The following MOK variants were observed in gnomAD, a reference collection of about 807,000 sequenced individuals.
MOK encodes MAPK/MAK/MRK overlapping kinase.
In MOK, 59 loss-of-function variants were observed where a neutral mutation model predicts 54.2. The observed-to-expected ratio is 1.09, with a 90% confidence interval of 0.88 to 1.35. The LOEUF (loss-of-function observed/expected upper bound fraction) is 1.35, where lower values mean the gene tolerates loss of function less well. Among genes scored for constraint, MOK ranks in the 40% most tolerant of loss-of-function variants. The pLI is 0.00. For missense variants in MOK, 517 were observed against 526.2 expected, an observed-to-expected ratio of 0.98 and a Z score of 0.17; for synonymous variants, 210 against 202.7, an observed-to-expected ratio of 1.04 and a Z score of -0.31.
In MOK at chr14:102,251,748, G is replaced by T. The variant is rs748588036; in HGVS notation, c.411+8C>A. ...TCTGATACCCAGCTTTCATGTAAAA[G>T]CTCTTACCTTTATTAGTATATTTTC... On this transcript the variant is annotated splice_region_variant and intron_variant, in intron 6 of 11. Coordinates refer to ENST00000361847, the MANE Select transcript of MOK (RefSeq NM_014226.3). The T allele has an allele frequency of 1.3e-6, 2 of 1,563,800 alleles. No individual in the cohort carries two copies. Among genetic ancestry groups the T allele is most frequent in the Non-Finnish European group, 1.8e-6 (2 of 1,136,614 alleles).
intron 7 of MOK, among the ~76,000 whole-genome samples, chr14:102,244,910 T>C (rs2065978194): frequency 6.6e-6 from 1 of 152,092 alleles, no homozygotes; most frequent in Non-Finnish European, 1.5e-5. Flanking sequence ...AACAGACTAA[T>C]GGTCTTTTAA....
chr14:102,298,735 G>A (rs986933900), intron 1 of MOK, among the ~76,000 whole-genome samples: 2 of 152,158 alleles, frequency 1.3e-5, no homozygotes, highest in African/African-American at 2.4e-5. Context: ...CTTCCACAAT[G>A]TGGAAGCTTT....
chr14:102,270,263 T>G (rs1409220183), intron 2 of MOK, among the ~76,000 whole-genome samples: 1 of 152,238 alleles, frequency 6.6e-6, no homozygotes, highest in Non-Finnish European at 1.5e-5. Flanking sequence ...GAAAGATACT[T>G]ATGTGTAAAT....
downstream of MOK, chr14:102,223,001 C>T (rs930849853): frequency 2.4e-5 from 30 of 1,252,348 alleles, no homozygotes; most frequent in Non-Finnish European, 3.1e-5. Flanking sequence ...TGGACGTCGG[C>T]GATAGCCGTG....
At chr14:102,225,224 G>T, downstream of MOK, 1 of 179,062 alleles carries the variant, frequency 5.6e-6, no homozygotes, top group Non-Finnish European at 1.2e-5. Flanking sequence ...CCATACCTGG[G>T]TAATTTTTTG....
intron 2 of MOK, among the ~76,000 whole-genome samples, chr14:102,271,679 C>G (rs151012654): frequency 1.3e-5 from 2 of 152,124 alleles, no homozygotes; most frequent in African/African-American, 4.8e-5. Flanking sequence ...GTGCCTCAGC[C>G]TCCTGAGTAA....
chr14:102,287,007 T>G (rs2153176761), intron 1 of MOK, among the ~76,000 whole-genome samples: 1 of 152,104 alleles, frequency 6.6e-6, no homozygotes, highest in African/African-American at 2.4e-5. Flanking sequence ...AGGTTACAGG[T>G]GTCTCATTTT....
Position 102,236,515 on chromosome 14 carries a change from TC to T in MOK, c.591-2727del, listed in dbSNP as rs2065235561. Among the ~76,000 whole-genome samples, 1 of 152,122 alleles carries T rather than the reference TC, an allele frequency of 6.6e-6. No homozygotes were observed. Among genetic ancestry groups the T allele is most frequent in the African/African-American group, 2.4e-5 (1 of 41,408 alleles). On this transcript the variant is annotated intron_variant, in intron 7 of 11. Transcript: ENST00000361847. The surrounding 1 kb of genome is among the most constrained non-coding windows in gnomAD (Gnocchi z 4.5). ...GCCCTACCCCCATCCTAGGCCAAAT[TC>T]AAAGCCAAATTCAAATTCAAATTTT...
intron 2 of MOK, among the ~76,000 whole-genome samples, chr14:102,270,505 G>T (rs2153146732): frequency 6.6e-6 from 1 of 152,228 alleles, no homozygotes; most frequent in African/African-American, 2.4e-5. Flanking sequence ...GGAGGCTAAG[G>T]CAGGAGAATC....
chr14:102,286,173 C>A (rs1452498076), intron 1 of MOK, among the ~76,000 whole-genome samples: 1 of 151,624 alleles, frequency 6.6e-6, no homozygotes, highest in Admixed American at 6.6e-5. Flanking sequence ...GTGGCGGGTG[C>A]CTGTAGTCCC....
intron 1 of MOK, among the ~76,000 whole-genome samples, chr14:102,294,216 G>T (rs1202049668): frequency 1.3e-5 from 2 of 150,694 alleles, no homozygotes; most frequent in East Asian, 3.9e-4. Flanking sequence ...GGAGGCCAAG[G>T]CGGGCGGATC....
chr14:102,269,868 A>G (rs1472434818), intron 2 of MOK, among the ~76,000 whole-genome samples: 2 of 152,224 alleles, frequency 1.3e-5, no homozygotes, highest in African/African-American at 4.8e-5. Flanking sequence ...TTGATTGAAC[A>G]ATCTTTCAAA....
intron 2 of MOK, among the ~76,000 whole-genome samples, chr14:102,273,526 T>C (rs2068575803): frequency 2.0e-5 from 3 of 152,032 alleles, no homozygotes; most frequent in Admixed American, 2.0e-4. Context: ...ACCTGTAATC[T>C]GAGCACTTTG....
chr14:102,298,616 G>T (rs1160686447), intron 1 of MOK, among the ~76,000 whole-genome samples: 1 of 148,686 alleles, frequency 6.7e-6, no homozygotes, highest in Non-Finnish European at 1.5e-5. Context: ...CTGTAAAACA[G>T]ACCAATTGGC....
intron 1 of MOK, among the ~76,000 whole-genome samples, chr14:102,291,904 G>A (rs2070794016): frequency 6.6e-6 from 1 of 151,498 alleles, no homozygotes; most frequent in African/African-American, 2.4e-5. Context: ...GTTGCAGTGA[G>A]CCGAGATCAC....
chr14:102,232,410 G>T lies in MOK; in HGVS notation c.866+125C>A. ...CCAAGAGGCCCTGACCACTCTTCAG[G>T]ATAGAGAGCGCGATTCCCAAGAACC... is the stretch of plus-strand genomic sequence containing the variant. On this transcript the variant is annotated intron_variant, in intron 9 of 11. Coordinates refer to ENST00000361847, the MANE Select transcript of MOK (RefSeq NM_014226.3). This position sits in a 1 kb window ranked among gnomAD's most constrained non-coding sequence, Gnocchi z 5.1. The T allele has an allele frequency of 8.5e-7, 1 of 1,181,308 alleles. No individual in the cohort carries two copies. Among genetic ancestry groups the T allele is most frequent in the East Asian group, 2.4e-5 (1 of 41,824 alleles). The allele number at this position is 1,181,308 out of a possible 1,614,324, so 73.2% of individuals were successfully genotyped here.
downstream of MOK, chr14:102,226,195 G>A (rs1256225397): frequency 4.9e-6 from 3 of 610,592 alleles, no homozygotes; most frequent in South Asian, 3.9e-5. The surrounding 1 kb of genome is among the most constrained non-coding windows in gnomAD (Gnocchi z 4.8). Context: ...GCCTGCCCCC[G>A]CCAGTGTGGG....
intron 7 of MOK, among the ~76,000 whole-genome samples, chr14:102,241,271 G>A (rs1282466094): frequency 6.6e-6 from 1 of 151,982 alleles, no homozygotes; most frequent in Non-Finnish European, 1.5e-5. Context: ...TTCCTCCCCA[G>A]GCTAATCCTC....
intron 2 of MOK, chr14:102,277,167 C>G (rs533264577): frequency 6.6e-6 from 1 of 152,128 alleles, no homozygotes; most frequent in African/African-American, 2.4e-5. Context: ...GCTGGGATTA[C>G]AGAAGCAAGC....
Sources: allele counts gnomAD v4.1 joint callset (sites outside exome capture counted in the v4.1 genomes callset), GRCh38; gene constraint gnomAD v4.1.1; non-coding constraint Gnocchi (gnomAD v3.1); transcripts MANE v1.5; gene names NCBI Gene and HGNC (gene_info 2026-07-23, HGNC 2026-07-21).